Variants in EML6 observed in about 807,000 individuals in gnomAD.
EML6 encodes echinoderm microtubule-associated protein-like 6.
EML6 carries 154 observed loss-of-function variants against 240.1 expected under a neutral mutation model. The observed-to-expected ratio is 0.64, with a 90% CI of 0.56 to 0.73. The LOEUF (loss-of-function observed/expected upper bound fraction) is 0.73. EML6 is among the 30% of genes least tolerant of loss of function. The pLI is 0.00. For missense variants in EML6, 2,964 were observed against 2,474.6 expected (o/e 1.20, Z -4.20); for synonymous variants, 1,148 against 899.0 (o/e 1.28, Z -4.95).
chr2:54,871,294 C>T (rs1241213881), intron 15 of EML6, among the ~76,000 whole-genome samples: 1 of 152,194 alleles, frequency 6.6e-6, no homozygotes, highest in African/African-American at 2.4e-5. Context: ...GGAACTCTAC[C>T]TGATTGCCAG....
chr2:54,855,008 G>A (rs912691054), intron 11 of EML6, among the ~76,000 whole-genome samples: 3 of 152,196 alleles, frequency 2.0e-5, no homozygotes, highest in Non-Finnish European at 2.9e-5. Flanking sequence ...AACATAACTC[G>A]ATGATAATTG....
chr2:54,954,451 C>T (rs1676136217), intron 32 of EML6, among the ~76,000 whole-genome samples: 1 of 152,188 alleles, frequency 6.6e-6, no homozygotes, highest in Admixed American at 6.5e-5. Context: ...GCAGCAGCCT[C>T]CCCGACATCT....
chr2:54,792,845 T>G (rs1669527227), intron 2 of EML6, among the ~76,000 whole-genome samples: 1 of 152,216 alleles, frequency 6.6e-6, no homozygotes, highest in Non-Finnish European at 1.5e-5. Flanking sequence ...AAAGATGTTA[T>G]GAGGACATAC....
chr2:54,901,411 A>G (rs1673050458), intron 22 of EML6, among the ~76,000 whole-genome samples: 1 of 152,156 alleles, frequency 6.6e-6, no homozygotes, highest in Admixed American at 6.5e-5. Flanking sequence ...CATTTTGGCT[A>G]CTAGTTTATA....
chr2:54,747,761 G>A (rs982892276), intron 2 of EML6, among the ~76,000 whole-genome samples: 8 of 151,988 alleles, frequency 5.3e-5, no homozygotes, highest in African/African-American at 1.4e-4. Flanking sequence ...TTCATCCCAT[G>A]TTATTTATCC....
At chr2:54,899,901 G>A (rs1672966866) in intron 22 of EML6, 119 bp downstream of exon 22, 3 of 994,992 alleles carry the variant, frequency 3.0e-6, no homozygotes, top group South Asian at 1.8e-5. Flanking sequence ...AATATGCTGG[G>A]CAATGAGAAT....
At chr2:54,949,799 C>T (rs559597254) in intron 29 of EML6, among the ~76,000 whole-genome samples, 2 of 152,338 alleles carry the variant, frequency 1.3e-5, no homozygotes, top group East Asian at 3.9e-4. Context: ...TCTGGCCCCC[C>T]AAACCCACCG....
intron 2 of EML6, among the ~76,000 whole-genome samples, chr2:54,728,689 T>C (rs1024752574): frequency 2.0e-5 from 3 of 152,152 alleles, no homozygotes; most frequent in African/African-American, 7.2e-5. Flanking sequence ...TGGCCCTTAG[T>C]TGGTGCTCAA....
chr2:54,855,455 C>T (rs1670321747), intron 11 of EML6, among the ~76,000 whole-genome samples: 1 of 88,120 alleles, frequency 1.1e-5, no homozygotes, highest in African/African-American at 5.5e-5. Context: ...TACCTTCTAC[C>T]ATGCCCCCCC....
intron 8 of EML6, 72 bp downstream of exon 8, chr2:54,844,320 A>C (rs1288186263): frequency 8.7e-6 from 10 of 1,151,924 alleles, no homozygotes; most frequent in African/African-American, 1.5e-5. Flanking sequence ...GCTTATTAAT[A>C]GAAGGATAAA....
At chr2:54,921,603 A>G (rs993415403) in intron 26 of EML6, among the ~76,000 whole-genome samples, 1 of 152,174 alleles carries the variant, frequency 6.6e-6, no homozygotes, top group Non-Finnish European at 1.5e-5. Flanking sequence ...ATGTAACCAC[A>G]AAAAACCTGA....
intron 24 of EML6, among the ~76,000 whole-genome samples, chr2:54,906,655 A>G (rs1673343333): frequency 6.6e-6 from 1 of 152,162 alleles, no homozygotes; most frequent in African/African-American, 2.4e-5. Context: ...AGAGTAGTAG[A>G]GACACTTCTG....
In EML6 at chr2:54,725,366, C is replaced by A. The variant is rs1367497008; in HGVS notation, c.197+108C>A. On this transcript the variant is annotated intron_variant, in intron 2 of 41. Transcript: ENST00000356458. This position sits in a 1 kb window ranked among gnomAD's most constrained non-coding sequence, Gnocchi z 4.3. The stretch of plus-strand genomic sequence containing the variant: ...CGGGAGCCCCGTGGAATAGAGGATT[C>A]TCTCTGGAGCCGCATGGAATTACTG... The A allele has an allele frequency of 7.6e-6, 6 of 788,248 alleles. No homozygotes were observed. The highest frequency in any genetic ancestry group is 1.8e-5 in the African/African-American group (1 of 54,490). The allele number at this position is 788,248 out of a possible 1,614,324, so 48.8% of individuals were successfully genotyped here.
rs781464085 is a variant in EML6 at position 54,853,685 on chromosome 2, C to T, written c.1487C>T (p.Pro496Leu). 1.4e-5 allele frequency: 21 copies of T among 1,549,790 alleles called. No individual in the cohort carries two copies. Among genetic ancestry groups the T allele is most frequent in the Middle Eastern group, 3.3e-4 (2 of 6,010 alleles). Reference sequence around the variant, plus strand: ...AGTAAAGAAGAAATTAAAGGGATTCCTTGGGCCTCCTGGACATGCGTGAAA... The same window carrying T: ...AGTAAAGAAGAAATTAAAGGGATTCTTTGGGCCTCCTGGACATGCGTGAAA... ...LTSKEEIKGI[P>L]WASWTCVKGP... is the part of the protein sequence containing the mutation. Residue 496 changes from proline (P) to leucine (L), a missense_variant, in exon 11 of 42, where the codon CCT becomes CTT. Coordinates refer to ENST00000356458, the MANE Select transcript of EML6 (RefSeq NM_001039753.4).
intron 2 of EML6, among the ~76,000 whole-genome samples, chr2:54,806,839 G>A (rs1265060201): frequency 1.3e-5 from 2 of 151,998 alleles, no homozygotes; most frequent in African/African-American, 4.8e-5. Context: ...TCTTATGGAT[G>A]AGAAACTGGG....
At chr2:54,785,153 ACC>A (rs1313939045) in intron 2 of EML6, among the ~76,000 whole-genome samples, 1 of 122,626 alleles carries the variant, frequency 8.2e-6, no homozygotes, top group Non-Finnish European at 1.7e-5. Flanking sequence ...AGAGATTTCC[ACC>A]CCCCCACACA....
chr2:54,750,172 G>T (rs887807283), intron 2 of EML6, among the ~76,000 whole-genome samples: 1 of 152,202 alleles, frequency 6.6e-6, no homozygotes, highest in Non-Finnish European at 1.5e-5. Context: ...CCAGCCTGAG[G>T]GCCCGATATT....
At chr2:54,804,469 A>G (rs1670358548) in intron 2 of EML6, among the ~76,000 whole-genome samples, 1 of 152,244 alleles carries the variant, frequency 6.6e-6, no homozygotes. Context: ...AAGACTAGCC[A>G]TGCTGATCAA....
chr2:54,968,587 G>C, intron 40 of EML6, 81 bp from the exon 41 acceptor site: 5 of 827,826 alleles, frequency 6.0e-6, no homozygotes, highest in Non-Finnish European at 1.0e-5. Context: ...TGGGAGCAGG[G>C]GATTTGAGTG....
Sources: allele counts gnomAD v4.1 joint callset (sites outside exome capture counted in the v4.1 genomes callset), GRCh38; gene constraint gnomAD v4.1.1; non-coding constraint Gnocchi (gnomAD v3.1); transcripts MANE v1.5; gene names NCBI Gene and HGNC (gene_info 2026-07-23, HGNC 2026-07-21).